Variants in PTBP3 observed in about 807,000 individuals in gnomAD.
PTBP3 encodes the protein polypyrimidine tract-binding protein 3.
PTBP3 carries 20 observed loss-of-function variants against 58.7 expected under a neutral mutation model. The observed-to-expected ratio is 0.34, with a 90% CI of 0.24 to 0.50. The LOEUF (loss-of-function observed/expected upper bound fraction) is 0.50, where lower values mean the gene tolerates loss of function less well. PTBP3 is among the 20% of genes least tolerant of loss of function. PTBP3 has a pLI of 0.98. For synonymous variants in PTBP3, 185 were observed against 219.8 expected (o/e 0.84, Z 1.40); for missense variants, 509 against 637.2 (o/e 0.80, Z 2.17).
At chr9:112,360,614 G>A in the PTBP3 span, among the ~76,000 whole-genome samples, 1 of 152,140 alleles carries the variant, frequency 6.6e-6, no homozygotes, top group Admixed American at 6.5e-5. Flanking sequence ...ACATTATATT[G>A]TTGTTGGCCT....
chr9:112,341,671 A>G, the PTBP3 span, among the ~76,000 whole-genome samples: 4 of 152,232 alleles, frequency 2.6e-5, no homozygotes, highest in Middle Eastern at 3.4e-3. Context: ...AGGTCTAGAT[A>G]TCAATGGTTT....
chr9:112,371,531 T>TTTAA, the PTBP3 span, among the ~76,000 whole-genome samples: 5 of 152,114 alleles, frequency 3.3e-5, no homozygotes, highest in Non-Finnish European at 7.4e-5. Context: ...CAAAATAAAC[T>TTTAA]TATTAGAGCA....
chr9:112,237,712 C>G (rs1405979256), intron 7 of PTBP3, among the ~76,000 whole-genome samples: 1 of 152,104 alleles, frequency 6.6e-6, no homozygotes. Context: ...GAAGCAAATC[C>G]CAGGGTTAGC....
At chr9:112,287,286 G>T (rs537675850) in intron 2 of PTBP3, among the ~76,000 whole-genome samples, 1 of 146,078 alleles carries the variant, frequency 6.8e-6, no homozygotes, top group Non-Finnish European at 1.5e-5. Context: ...TGTTTAGACT[G>T]CTTGATTTTG....
intron 12 of PTBP3, among the ~76,000 whole-genome samples, chr9:112,225,722 CAACTGG>C (rs1834962069): frequency 6.6e-6 from 1 of 152,098 alleles, no homozygotes; most frequent in Non-Finnish European, 1.5e-5. Flanking sequence ...ATGTAGGTTG[CAACTGG>C]AGCCCAGCTC....
At chr9:112,248,179 A>G (rs1835961561) in intron 7 of PTBP3, among the ~76,000 whole-genome samples, 1 of 152,200 alleles carries the variant, frequency 6.6e-6, no homozygotes, top group Non-Finnish European at 1.5e-5. Flanking sequence ...AGACACACAA[A>G]AAAGCACAAA....
At chr9:112,332,045 T>C (rs942383907) in intron 1 of PTBP3, among the ~76,000 whole-genome samples, 2 of 101,256 alleles carry the variant, frequency 2.0e-5, no homozygotes, top group African/African-American at 4.3e-5. Context: ...TTTTTCAACA[T>C]ATAAAATGCA....
At chr9:112,315,520 G>C (rs1829666581) in intron 1 of PTBP3, among the ~76,000 whole-genome samples, 1 of 152,092 alleles carries the variant, frequency 6.6e-6, no homozygotes. Flanking sequence ...GATCACTTGA[G>C]CCCAGTTCAA....
chr9:112,255,376 A>G lies in PTBP3; in HGVS notation c.517-2588T>C, dbSNP rs149945480. Among the ~76,000 whole-genome samples, 35 of 152,340 alleles carry G rather than the reference A, an allele frequency of 2.3e-4. No homozygotes were observed. In the East Asian group the frequency reaches 5.4e-3, roughly 23 times the overall value. Reference sequence around the variant, plus strand: ...TAGTTAAAACAGTAAAATTCATGTTATATATATTTTGCCACTTGAATCACT... The same window carrying G: ...TAGTTAAAACAGTAAAATTCATGTTGTATATATTTTGCCACTTGAATCACT... On this transcript the variant is annotated intron_variant, in intron 5 of 13. Transcript: ENST00000374257.
intron 1 of PTBP3, among the ~76,000 whole-genome samples, chr9:112,312,975 T>C (rs769613168): frequency 4.0e-5 from 6 of 151,286 alleles, no homozygotes; most frequent in Non-Finnish European, 7.4e-5. Flanking sequence ...GCTCAGGAGG[T>C]CAAGGCTGCA....
chr9:112,378,552 T>G, the PTBP3 span, among the ~76,000 whole-genome samples: 1 of 152,352 alleles, frequency 6.6e-6, no homozygotes, highest in African/African-American at 2.4e-5. Context: ...AAGAATTCAC[T>G]CTATTCGACA....
chr9:112,278,791 G>A (rs1453866862), intron 2 of PTBP3, among the ~76,000 whole-genome samples: 1 of 152,118 alleles, frequency 6.6e-6, no homozygotes, highest in Non-Finnish European at 1.5e-5. Flanking sequence ...CCTGTAAAAC[G>A]GGTATAACAA....
At chr9:112,349,687 T>C in the PTBP3 span, among the ~76,000 whole-genome samples, 2 of 151,708 alleles carry the variant, frequency 1.3e-5, no homozygotes, top group Admixed American at 6.6e-5. Flanking sequence ...GGTGAAACCC[T>C]GTCTCTACCA....
rs559297149 is a variant in PTBP3, at chr9:112,227,771, A to G, written c.1148-144T>C. On this transcript the variant is annotated intron_variant, in intron 11 of 13. Coordinates refer to ENST00000374257, the MANE Select transcript of PTBP3 (RefSeq NM_001163788.4). ...AGGGTGAAAAGGGTTTCAAAATCCA[A>G]AAACCCTCAAGGAAATATATTAAAT... The G allele has an allele frequency of 4.6e-5, 29 of 635,720 alleles. No individual in the cohort carries two copies. The East Asian group carries it at 7.4e-4, about 16-fold the overall frequency. The allele number at this position is 635,720 out of a possible 1,614,324, so 39.4% of individuals were successfully genotyped here. A position where few individuals can be genotyped will look rare whatever the true frequency, so the allele number is the denominator to read the frequency against.
chr9:112,344,572 T>C, the PTBP3 span, among the ~76,000 whole-genome samples: 1 of 152,316 alleles, frequency 6.6e-6, no homozygotes, highest in South Asian at 2.1e-4. Flanking sequence ...ATCTCTTTTC[T>C]TTATAAATTA....
At chr9:112,277,084 T>G (rs1173325139) in intron 2 of PTBP3, among the ~76,000 whole-genome samples, 1 of 152,190 alleles carries the variant, frequency 6.6e-6, no homozygotes, top group East Asian at 1.9e-4. Flanking sequence ...AAATAAAAAC[T>G]AATATAGCTA....
At chr9:112,352,970 G>A in the PTBP3 span, among the ~76,000 whole-genome samples, 1 of 149,848 alleles carries the variant, frequency 6.7e-6, no homozygotes, top group African/African-American at 2.5e-5. Context: ...GTGTGATCTC[G>A]GCTCACTGCA....
At chr9:112,336,901 A>G (rs1021795198), upstream of PTBP3, among the ~76,000 whole-genome samples, 5 of 152,366 alleles carry the variant, frequency 3.3e-5, no homozygotes, top group African/African-American at 1.2e-4. Context: ...GGCATTTCCT[A>G]AATACTCAAT....
chr9:112,254,809 A>C (rs1022371424), intron 5 of PTBP3, among the ~76,000 whole-genome samples: 1 of 152,156 alleles, frequency 6.6e-6, no homozygotes, highest in Non-Finnish European at 1.5e-5. Flanking sequence ...AAAAAGTATG[A>C]CCTTTCCTTA....
Sources: allele counts gnomAD v4.1 joint callset (sites outside exome capture counted in the v4.1 genomes callset), GRCh38; gene constraint gnomAD v4.1.1; transcripts MANE v1.5; gene names NCBI Gene and HGNC (gene_info 2026-07-23, HGNC 2026-07-21).